Variants in MAST4 observed in about 807,000 individuals in gnomAD.
MAST4 encodes microtubule-associated serine/threonine-protein kinase 4.
MAST4 carries 89 observed loss-of-function variants against 162.7 expected under a neutral mutation model. That is an observed-to-expected ratio of 0.55 (90% CI 0.46 to 0.65). The LOEUF is 0.65. Among genes scored for constraint, MAST4 ranks in the 30% least tolerant of loss-of-function variants. MAST4 has a pLI of 0.00. For synonymous variants in MAST4, 1,479 were observed against 1,361.1 expected (o/e 1.09, Z -1.91); for missense variants, 3,153 against 3,374.0 (o/e 0.93, Z 1.62).
chr5:66,832,862 G>C (rs2149762852), intron 3 of MAST4, among the ~76,000 whole-genome samples: 2 of 152,314 alleles, frequency 1.3e-5, no homozygotes, highest in Middle Eastern at 6.8e-3. Flanking sequence ...ATTCCAGAAA[G>C]ACATTGAGAC....
Position 67,117,305 on chromosome 5 carries a change from C to G in MAST4, c.1592-1377C>G, listed in dbSNP as rs1218773436. On this transcript the variant is annotated intron_variant, in intron 12 of 28. Transcript: ENST00000403625. ...GAAAGGACATAGTTTGTGCTAAGCT[C>G]CTTTTTATTCTGGAATTTCCCCTAT... Among the ~76,000 whole-genome samples, 8 of 152,114 alleles carry G rather than the reference C, an allele frequency of 5.3e-5. No individual in the cohort carries two copies. In the East Asian group the frequency reaches 1.5e-3, roughly 29 times the overall value.
intron 19 of MAST4, among the ~76,000 whole-genome samples, chr5:67,137,933 G>C (rs551797931): frequency 1.3e-5 from 2 of 152,308 alleles, no homozygotes; most frequent in African/African-American, 2.4e-5. Context: ...ATCCAAGAAG[G>C]CTTAATATTA....
chr5:66,892,541 A>G (rs150001261), intron 3 of MAST4, among the ~76,000 whole-genome samples: 1 of 152,316 alleles, frequency 6.6e-6, no homozygotes, highest in African/African-American at 2.4e-5. Flanking sequence ...CTTCTGTATT[A>G]CTGAAATTAC....
chr5:66,932,023 C>T (rs899926999), intron 4 of MAST4, among the ~76,000 whole-genome samples: 1 of 152,182 alleles, frequency 6.6e-6, no homozygotes, highest in Non-Finnish European at 1.5e-5. Flanking sequence ...AGAAACATCA[C>T]ACTGACTTCC....
intron 1 of MAST4, among the ~76,000 whole-genome samples, chr5:66,657,253 T>C (rs774121039): frequency 6.6e-6 from 1 of 152,220 alleles, no homozygotes; most frequent in Non-Finnish European, 1.5e-5. Context: ...CAATAGCCTA[T>C]CTAGTTTACT....
intron 5 of MAST4, among the ~76,000 whole-genome samples, chr5:67,080,267 A>T (rs1762445816): frequency 6.6e-6 from 1 of 152,222 alleles, no homozygotes; most frequent in South Asian, 2.1e-4. Flanking sequence ...TAAAAATTTT[A>T]AATATGTGCC....
At chr5:66,787,329 C>T (rs1039881628) in intron 2 of MAST4, among the ~76,000 whole-genome samples, 1 of 152,164 alleles carries the variant, frequency 6.6e-6, no homozygotes, top group Non-Finnish European at 1.5e-5. Context: ...TAATTTTTCT[C>T]CAGAGTCTGT....
chr5:66,843,691 C>A (rs1358168400), intron 3 of MAST4, among the ~76,000 whole-genome samples: 1 of 152,148 alleles, frequency 6.6e-6, no homozygotes, highest in Non-Finnish European at 1.5e-5. Flanking sequence ...CTGTCACTTT[C>A]TGGGAGCCAT....
rs143142779 is a variant in MAST4 at position 66,688,466 on chromosome 5, T to C, written c.364-71243T>C. On this transcript the variant is annotated intron_variant, in intron 1 of 28. Coordinates refer to ENST00000403625, the MANE Select transcript of MAST4 (RefSeq NM_001164664.2). ...TTATTAGGCAGGCTAATTTCCACAG[T>C]TGCCATTTTGAAGGGCTGAATTCTG... Among the ~76,000 whole-genome samples the C allele has an allele frequency of 6.3e-3, 953 of 152,310 alleles. 1 individual carries two copies. The highest frequency in any genetic ancestry group is 0.014 in the South Asian group (66 of 4,828).
intron 1 of MAST4, among the ~76,000 whole-genome samples, chr5:66,643,313 T>C (rs146034882): frequency 9.3e-4 from 141 of 152,278 alleles, no homozygotes; most frequent in Admixed American, 3.1e-3. Context: ...TATTATTGAG[T>C]TGAAGCTCAG....
intron 21 of MAST4, chr5:67,142,770 T>C (rs555378653): frequency 2.5e-6 from 1 of 405,724 alleles, no homozygotes; most frequent in African/African-American, 2.0e-5. Context: ...GAGATTCAGA[T>C]AGCTGAGACC....
chr5:66,615,786 C>T (rs1386613387), intron 1 of MAST4, among the ~76,000 whole-genome samples: 8 of 152,116 alleles, frequency 5.3e-5, no homozygotes, highest in Non-Finnish European at 1.0e-4. Flanking sequence ...GCAATCTGGG[C>T]AACAGAGCGA....
intron 4 of MAST4, among the ~76,000 whole-genome samples, chr5:67,002,537 C>G (rs539937502): frequency 6.6e-6 from 1 of 152,268 alleles, no homozygotes; most frequent in South Asian, 2.1e-4. Flanking sequence ...GTTGAAGACT[C>G]TAGAGAGTAG....
chr5:67,034,512 G>GGAAC (rs1755766995), intron 4 of MAST4, among the ~76,000 whole-genome samples: 1 of 152,144 alleles, frequency 6.6e-6, no homozygotes, highest in Non-Finnish European at 1.5e-5. Flanking sequence ...TCAATAGCGA[G>GGAAC]AGTCAGGCGG....
intron 4 of MAST4, among the ~76,000 whole-genome samples, chr5:66,961,852 A>G (rs1187226299): frequency 6.6e-6 from 1 of 152,214 alleles, no homozygotes; most frequent in African/African-American, 2.4e-5. Context: ...GTTAGAGTAC[A>G]GCATGTTTAA....
At chr5:66,815,662 T>C (rs1054183427) in intron 3 of MAST4, among the ~76,000 whole-genome samples, 7 of 152,294 alleles carry the variant, frequency 4.6e-5, no homozygotes, top group South Asian at 2.1e-4. Context: ...ATTTTATTTT[T>C]CCCCCTAAAG....
At chr5:66,605,069 T>G (rs879834978) in intron 1 of MAST4, among the ~76,000 whole-genome samples, 1 of 152,262 alleles carries the variant, frequency 6.6e-6, no homozygotes, top group Non-Finnish European at 1.5e-5. Flanking sequence ...CAAATTAGTT[T>G]ATGAAATAAA....
chr5:66,814,930 T>C (rs1756647837), intron 3 of MAST4, among the ~76,000 whole-genome samples: 2 of 152,206 alleles, frequency 1.3e-5, no homozygotes, highest in South Asian at 2.1e-4. Flanking sequence ...ATTCTGAGTA[T>C]ATAAAATAAC....
chr5:66,724,813 T>C (rs1193239623), intron 1 of MAST4, among the ~76,000 whole-genome samples: 1 of 151,942 alleles, frequency 6.6e-6, no homozygotes, highest in Admixed American at 6.6e-5. Context: ...ATAATTATAA[T>C]ATATGTGGGC....
Sources: gnomAD v4.1 joint callset for allele counts (sites outside exome capture counted in the v4.1 genomes callset) on GRCh38, gnomAD v4.1.1 for gene constraint, MANE v1.5 for transcripts, NCBI Gene and HGNC (gene_info 2026-07-23, HGNC 2026-07-21) for gene names.